The following TRIP4 variants were observed in gnomAD, a reference collection of about 807,000 sequenced individuals.
TRIP4 encodes activating signal cointegrator 1.
TRIP4 carries 54 observed loss-of-function variants against 81.8 expected under a neutral mutation model. That is an observed-to-expected ratio of 0.66 (90% CI 0.53 to 0.83). The LOEUF (loss-of-function observed/expected upper bound fraction) is 0.83, where lower values mean the gene tolerates loss of function less well. TRIP4 is among the 40% of genes least tolerant of loss of function. The pLI is 0.00. For missense variants in TRIP4, 662 were observed against 683.6 expected (o/e 0.97, Z 0.35); for synonymous variants, 270 against 242.8 (o/e 1.11, Z -1.04).
At chr15:64,392,297 G>GA (rs1244316694) in intron 1 of TRIP4, among the ~76,000 whole-genome samples, 2 of 151,776 alleles carry the variant, frequency 1.3e-5, no homozygotes, top group Non-Finnish European at 2.9e-5. Flanking sequence ...GACTCTGTCT[G>GA]AAAAAACAAA....
intron 3 of TRIP4, 113 bp from the exon 4 acceptor site, chr15:64,397,493 T>G (rs899152276): frequency 1.4e-5 from 14 of 1,003,814 alleles, no homozygotes; most frequent in Non-Finnish European, 1.7e-5. Flanking sequence ...GCCTTCTTTC[T>G]TGGTTCTTGG....
At chr15:64,425,690 G>T (rs1334348275) in intron 11 of TRIP4, 59 bp downstream of exon 11, 28 of 1,429,886 alleles carry the variant, frequency 2.0e-5, no homozygotes, top group Non-Finnish European at 9.6e-7. Flanking sequence ...GGCCAGGCTG[G>T]TCTTGAAAGC....
chr15:64,405,650 T>C (rs945602821), intron 5 of TRIP4, among the ~76,000 whole-genome samples: 5 of 152,328 alleles, frequency 3.3e-5, no homozygotes, highest in Middle Eastern at 3.4e-3. Context: ...CTGCCCCTTT[T>C]GTGAAATTTT....
intron 7 of TRIP4, among the ~76,000 whole-genome samples, chr15:64,413,275 G>T (rs1891810459): frequency 6.6e-6 from 1 of 151,270 alleles, no homozygotes; most frequent in African/African-American, 2.4e-5. Context: ...TGAACTCCTG[G>T]GCTCAAGTGA....
Position 64,397,734 on chromosome 15 carries a change from C to T in TRIP4, c.534C>T (p.His178=), listed in dbSNP as rs200177653. 2.5e-6 allele frequency: 4 copies of T among 1,614,112 alleles called. No individual in the cohort carries two copies. The highest frequency in any genetic ancestry group is 3.4e-6 in the Non-Finnish European group (4 of 1,180,058). The change falls in exon 4 of 13, where the codon CAC becomes CAT. Residue 178 remains histidine, a synonymous_variant. Transcript: ENST00000261884. ...CTTGTGATTGCCTGGGCCAGAAGCA[C>T]AAGCTCATCAATAACTGTCTGATCT... The part of the protein sequence containing the change: ...RHPCDCLGQK[H]KLINNCLICG...
intron 10 of TRIP4, chr15:64,424,446 TC>T (rs1892093332): frequency 6.8e-6 from 2 of 294,610 alleles, no homozygotes; most frequent in East Asian, 1.4e-4. Flanking sequence ...TAGTGTAAAC[TC>T]TGAGATCCTT....
chr15:64,437,580 C>A (rs1236279720), intron 11 of TRIP4, among the ~76,000 whole-genome samples: 1 of 151,314 alleles, frequency 6.6e-6, no homozygotes, highest in Non-Finnish European at 1.5e-5. Context: ...GCAACCTCCA[C>A]CTCCCAGGTT....
At chr15:64,418,059 ATC>A (rs1252853544) in intron 8 of TRIP4, among the ~76,000 whole-genome samples, 1 of 152,166 alleles carries the variant, frequency 6.6e-6, no homozygotes, top group Non-Finnish European at 1.5e-5. Flanking sequence ...AATGTATACT[ATC>A]TCTACCCTTT....
chr15:64,444,643 G>T (rs1892583650), intron 11 of TRIP4: 1 of 154,776 alleles, frequency 6.5e-6, no homozygotes, highest in South Asian at 2.1e-4. Context: ...GAACCTAGGG[G>T]GTACCTGATG....
At chr15:64,440,061 A>G (rs1026160038) in intron 11 of TRIP4, among the ~76,000 whole-genome samples, 15 of 151,676 alleles carry the variant, frequency 9.9e-5, no homozygotes, top group African/African-American at 3.6e-4. Flanking sequence ...ATTTATATAT[A>G]TATACATATT....
intron 6 of TRIP4, among the ~76,000 whole-genome samples, chr15:64,408,157 A>ATT (rs1490984644): frequency 0.033 from 1,505 of 45,378 alleles, 27 homozygotes; most frequent in African/African-American, 0.062. Context: ...AGTCTGCTTT[A>ATT]TTTTTGTTTT....
intron 4 of TRIP4, among the ~76,000 whole-genome samples, chr15:64,399,573 G>A (rs1249341652): frequency 6.6e-6 from 1 of 151,984 alleles, no homozygotes; most frequent in Non-Finnish European, 1.5e-5. Flanking sequence ...GTGGCTCACT[G>A]CAACTTCCGC....
At chr15:64,404,945 C>T (rs1023898554) in intron 5 of TRIP4, among the ~76,000 whole-genome samples, 1 of 152,080 alleles carries the variant, frequency 6.6e-6, no homozygotes, top group Non-Finnish European at 1.5e-5. Context: ...CTCAGCCTCC[C>T]AAAGTGCTGC....
Position 64,416,831 on chromosome 15 carries a change from A to G in TRIP4, c.1171-1710A>G, listed in dbSNP as rs1303656526. ...GTGTATTTAATTTGTAAAAATGTGTATTTTTAAGATATGCCACAATTGACA... is the reference window on the plus strand; with the variant it reads ...GTGTATTTAATTTGTAAAAATGTGTGTTTTTAAGATATGCCACAATTGACA... On this transcript the variant is annotated intron_variant, in intron 8 of 12. Coordinates refer to ENST00000261884, the MANE Select transcript of TRIP4 (RefSeq NM_016213.5). Among the ~76,000 whole-genome samples, 5 of 152,268 alleles carry G rather than the reference A, an allele frequency of 3.3e-5. No individual in the cohort carries two copies. The East Asian group carries it at 9.6e-4, about 29-fold the overall frequency.
chr15:64,426,739 G>A (rs1892156273), intron 11 of TRIP4, among the ~76,000 whole-genome samples: 2 of 143,596 alleles, frequency 1.4e-5, no homozygotes, highest in South Asian at 4.5e-4. Context: ...GGTGGCTCAC[G>A]CCTGTAATCC....
intron 6 of TRIP4, among the ~76,000 whole-genome samples, chr15:64,406,733 C>T (rs902931778): frequency 3.3e-5 from 5 of 152,150 alleles, no homozygotes; most frequent in African/African-American, 1.2e-4. Context: ...TGACAGAATT[C>T]ACCACTTGTT....
Position 64,438,648 on chromosome 15 carries a change from A to G in TRIP4, c.1576-6358A>G, listed in dbSNP as rs188767545. Among the ~76,000 whole-genome samples the G allele has an allele frequency of 8.5e-5, 13 of 152,310 alleles. No homozygotes were observed. The East Asian group carries it at 2.5e-3, about 29-fold the overall frequency. On this transcript the variant is annotated intron_variant, in intron 11 of 12. Transcript: ENST00000261884. ...GTTTAAGTTGGAGTGGAAGCCTATT[A>G]TATTAAAATGAAGACCAAAAATAAT...
chr15:64,435,519 CTG>C (rs1376268740), intron 11 of TRIP4, among the ~76,000 whole-genome samples: 1 of 73,798 alleles, frequency 1.4e-5, no homozygotes, highest in African/African-American at 3.8e-5. Context: ...GAGTGAGACT[CTG>C]TCTCAAAAAA....
chr15:64,450,205 C>A (rs918553612), intron 12 of TRIP4, among the ~76,000 whole-genome samples: 2 of 151,818 alleles, frequency 1.3e-5, no homozygotes, highest in Non-Finnish European at 2.9e-5. Flanking sequence ...CTCGCTAACA[C>A]GGTGAAACCC....
Sources: allele counts gnomAD v4.1 joint callset (sites outside exome capture counted in the v4.1 genomes callset), GRCh38; gene constraint gnomAD v4.1.1; transcripts MANE v1.5; gene names NCBI Gene and HGNC (gene_info 2026-07-23, HGNC 2026-07-21).